COL11A1: variants seen among roughly 807,000 people sequenced by gnomAD.
The protein encoded by COL11A1 is collagen type XI alpha 1 chain.
Under a neutral mutation model 265.2 loss-of-function variants are expected in COL11A1, and 74 were observed. The ratio of observed to expected loss-of-function variants is 0.28; its 90% confidence interval spans 0.23 to 0.34. The LOEUF is 0.34. Ranked by LOEUF, COL11A1 falls within the 10% of genes least tolerant of loss-of-function variation. COL11A1 has a pLI of 1.00. For synonymous variants in COL11A1, 816 were observed against 727.6 expected (o/e 1.12, Z -1.96); for missense variants, 2,165 against 2,263.6 (o/e 0.96, Z 0.88).
chr1:103,042,925 A>AAT (rs928056308), intron 4 of COL11A1, among the ~76,000 whole-genome samples: 42 of 147,516 alleles, frequency 2.8e-4, no homozygotes, highest in African/African-American at 5.4e-4. Context: ...CATGTATATA[A>AAT]ATATATATAT....
chr1:103,008,414 G>A (rs772820716), intron 15 of COL11A1, 49 bp downstream of exon 15: 3 of 1,463,472 alleles, frequency 2.0e-6, no homozygotes, highest in South Asian at 1.1e-5. Context: ...GAATTATGCT[G>A]TATCAAAGAA....
chr1:103,012,277 A>T, intron 14 of COL11A1, 136 bp downstream of exon 14: 1 of 666,554 alleles, frequency 1.5e-6, no homozygotes, highest in East Asian at 2.8e-5. Context: ...GGATTTTTTT[A>T]ATGGAAACAA....
chr1:103,077,986 G>A (rs1479174544), intron 3 of COL11A1, among the ~76,000 whole-genome samples: 5 of 152,050 alleles, frequency 3.3e-5, no homozygotes, highest in Non-Finnish European at 7.4e-5. Flanking sequence ...CTTAGTACAT[G>A]GCACATATCA....
rs375152697 is a variant in COL11A1, at chr1:103,097,522, T to C, written c.106+10551A>G. On this transcript the variant is annotated intron_variant, in intron 1 of 66. Coordinates refer to ENST00000370096, the MANE Select transcript of COL11A1 (RefSeq NM_001854.4). ...TTGTATTCTCCAGGAACCATACACC[T>C]CTCCTTCAAAGCATCTAGCATAGCT... 1.2e-4 allele frequency among the ~76,000 whole-genome samples: 19 copies of C among 152,102 alleles called. No homozygotes were observed. The East Asian group carries it at 2.7e-3, about 22-fold the overall frequency.
intron 4 of COL11A1, among the ~76,000 whole-genome samples, chr1:103,044,702 G>A (rs17507967): frequency 1.3e-5 from 2 of 151,892 alleles, no homozygotes; most frequent in African/African-American, 2.4e-5. Context: ...GAATTAATAA[G>A]TGCTAGAAAA....
intron 54 of COL11A1, among the ~76,000 whole-genome samples, chr1:102,910,988 A>G (rs1185503060): frequency 1.3e-5 from 2 of 152,180 alleles, no homozygotes; most frequent in Non-Finnish European, 2.9e-5. Context: ...ATAGACAGCT[A>G]TGCATCACAG....
At chr1:102,895,467 A>G (rs1041861705) in intron 57 of COL11A1, among the ~76,000 whole-genome samples, 2 of 152,284 alleles carry the variant, frequency 1.3e-5, no homozygotes, top group African/African-American at 2.4e-5. Flanking sequence ...GGCAGCTTCT[A>G]GAAGGGGAAA....
intron 46 of COL11A1, among the ~76,000 whole-genome samples, chr1:102,932,949 C>G (rs1557839574): frequency 1.4e-5 from 2 of 147,310 alleles, no homozygotes; most frequent in Non-Finnish European, 3.0e-5. Context: ...CCATCAGCTC[C>G]TTTAAGCACT....
chr1:103,087,728 G>T (rs1279955007), intron 1 of COL11A1, among the ~76,000 whole-genome samples: 1 of 152,114 alleles, frequency 6.6e-6, no homozygotes, highest in Non-Finnish European at 1.5e-5. Context: ...TGCATCTTCT[G>T]CAGAAAACAT....
At chr1:102,891,525 C>T (rs1023475239) in intron 57 of COL11A1, among the ~76,000 whole-genome samples, 2 of 151,884 alleles carry the variant, frequency 1.3e-5, no homozygotes, top group Admixed American at 6.6e-5. Flanking sequence ...CCTGCCCCCC[C>T]GCCCAAGGAA....
At chr1:102,885,117 T>C (rs1650803776) in intron 63 of COL11A1, among the ~76,000 whole-genome samples, 1 of 152,146 alleles carries the variant, frequency 6.6e-6, no homozygotes, top group African/African-American at 2.4e-5. Context: ...CAATATTATA[T>C]TGCATTTCTA....
chr1:102,923,408 A>G lies in COL11A1; in HGVS notation c.3601-19T>C, dbSNP rs749635295. 1 of 1,566,630 alleles carries G rather than the reference A, an allele frequency of 6.4e-7. No homozygotes were observed. On this transcript the variant is annotated intron_variant, in intron 46 of 66. Transcript: ENST00000370096. The stretch of plus-strand genomic sequence containing the variant: ...GCAGACCCTAAGAAAATATAATAGA[A>G]AAATAATAAAAGTCACTGATGTCTT...
At chr1:102,998,282 T>C in intron 25 of COL11A1, 28 bp downstream of exon 25, 2 of 1,587,284 alleles carry the variant, frequency 1.3e-6, no homozygotes, top group East Asian at 2.2e-5. Context: ...TGTAAAGAAA[T>C]TTTAATGACC....
At chr1:102,925,169 G>A (rs1763360) in intron 46 of COL11A1, among the ~76,000 whole-genome samples, 12,222 of 152,034 alleles carry the variant, frequency 0.08, 1,071 homozygotes, top group African/African-American at 0.21. Context: ...ATTTGACTGT[G>A]AGCCACTGTG....
intron 30 of COL11A1, among the ~76,000 whole-genome samples, chr1:102,986,816 T>A (rs1570950317): frequency 6.6e-6 from 1 of 152,122 alleles, no homozygotes; most frequent in East Asian, 1.9e-4. Flanking sequence ...ACGCAACACA[T>A]AATGCCCCGT....
At chr1:103,091,044 C>T (rs1188150434) in intron 1 of COL11A1, among the ~76,000 whole-genome samples, 1 of 152,104 alleles carries the variant, frequency 6.6e-6, no homozygotes, top group Non-Finnish European at 1.5e-5. Flanking sequence ...TCATGCTCAG[C>T]ACTTCATTAC....
chr1:103,030,140 T>G (rs1418685127), intron 5 of COL11A1, among the ~76,000 whole-genome samples: 2 of 152,046 alleles, frequency 1.3e-5, no homozygotes, highest in African/African-American at 4.8e-5. Context: ...AAGAATGAAG[T>G]ACATGATAAC....
In COL11A1 at chr1:102,922,928, C is replaced by T. The variant is rs193190242; in HGVS notation, c.3654+408G>A. On this transcript the variant is annotated intron_variant, in intron 47 of 66. Coordinates refer to ENST00000370096, the MANE Select transcript of COL11A1 (RefSeq NM_001854.4). ...ACATTTCATTATGGATTTCAATTACCTTTGCTAATTATTTTCTTATCTAAG... is the reference window on the plus strand; with the variant it reads ...ACATTTCATTATGGATTTCAATTACTTTTGCTAATTATTTTCTTATCTAAG... 6.4e-4 allele frequency among the ~76,000 whole-genome samples: 97 copies of T among 152,174 alleles called. 1 individual carries two copies. Among genetic ancestry groups the T allele is most frequent in the African/African-American group, 2.3e-3 (96 of 41,520 alleles).
chr1:103,098,774 G>C (rs769845743), intron 1 of COL11A1, among the ~76,000 whole-genome samples: 2 of 151,808 alleles, frequency 1.3e-5, no homozygotes, highest in Non-Finnish European at 2.9e-5. Flanking sequence ...TTCAATGCTT[G>C]AAGAAAGTTA....
Sources: gnomAD v4.1 joint callset for allele counts (sites outside exome capture counted in the v4.1 genomes callset) on GRCh38, gnomAD v4.1.1 for gene constraint, MANE v1.5 for transcripts, NCBI Gene and HGNC (gene_info 2026-07-23, HGNC 2026-07-21) for gene names.